Variants in DYNC2I2 observed in about 807,000 individuals in gnomAD.
DYNC2I2 encodes dynein 2 intermediate chain 2, also known as cytoplasmic dynein 2 intermediate chain 2.
DYNC2I2 carries 39 observed loss-of-function variants against 52.0 expected under a neutral mutation model. The ratio of observed to expected loss-of-function variants is 0.75; its 90% CI spans 0.58 to 0.98. The LOEUF (loss-of-function observed/expected upper bound fraction) is 0.98, where lower values mean the gene tolerates loss of function less well. Ranked by LOEUF, DYNC2I2 falls within the 50% of genes least tolerant of loss-of-function variation. DYNC2I2 has a pLI of 0.00. For missense variants in DYNC2I2, 743 were observed against 728.4 expected, an observed-to-expected ratio of 1.02 and a Z score of -0.23; for synonymous variants, 359 against 321.1, an observed-to-expected ratio of 1.12 and a Z score of -1.26.
chr9:128,638,220 C>CAAA (rs570370161), intron 2 of DYNC2I2, among the ~76,000 whole-genome samples: 72 of 95,932 alleles, frequency 7.5e-4, no homozygotes, highest in African/African-American at 2.5e-3. Flanking sequence ...GACCCTGTCT[C>CAAA]AAAAAAAAAA....
chr9:128,646,763 A>T (rs541346290), intron 1 of DYNC2I2, among the ~76,000 whole-genome samples: 1 of 152,238 alleles, frequency 6.6e-6, no homozygotes, highest in Non-Finnish European at 1.5e-5. Context: ...AAGGTGGATC[A>T]TTTGAGTCCA....
chr9:128,684,187 G>A, the DYNC2I2 span, among the ~76,000 whole-genome samples: 2 of 152,048 alleles, frequency 1.3e-5, no homozygotes, highest in African/African-American at 4.8e-5. Context: ...GGGAGAACGG[G>A]AGTGCACGGG....
At chr9:128,655,430 A>G (rs1269973815) in intron 1 of DYNC2I2, among the ~76,000 whole-genome samples, 1 of 142,930 alleles carries the variant, frequency 7.0e-6, no homozygotes, top group South Asian at 2.2e-4. Flanking sequence ...AGAATGGCAT[A>G]AACCCGGGAG....
At chr9:128,634,995 A>G in intron 6 of DYNC2I2, 74 bp from the exon 7 acceptor site, 1 of 1,588,500 alleles carries the variant, frequency 6.3e-7, no homozygotes, top group East Asian at 2.2e-5. Context: ...GCCAGAGAAC[A>G]GGAGGGGAGA....
At chr9:128,656,082 G>A (rs542178395) in intron 1 of DYNC2I2, among the ~76,000 whole-genome samples, 2 of 150,954 alleles carry the variant, frequency 1.3e-5, no homozygotes, top group Non-Finnish European at 1.5e-5. Flanking sequence ...GTGGTGGCCC[G>A]CGCCTGAGGT....
At chr9:128,659,942 C>T (rs1206172597), upstream of DYNC2I2, among the ~76,000 whole-genome samples, 1 of 151,038 alleles carries the variant, frequency 6.6e-6, no homozygotes, top group African/African-American at 2.4e-5. Flanking sequence ...TAGTGGCATG[C>T]ATCTATGGCC....
rs760359033 is a variant in DYNC2I2 at position 128,640,821 on chromosome 9, T to G, written c.305A>C (p.Gln102Pro). Residue 102 changes from glutamine to proline, a missense_variant, in exon 2 of 9, where the codon CAG becomes CCG. By Grantham distance (76) the Gln-to-Pro change is moderately conservative. Coordinates refer to ENST00000372715, the MANE Select transcript of DYNC2I2 (RefSeq NM_052844.4). Reference sequence around the variant, plus strand: ...GGCTGCGAGCCTGGGTATGTCATACTGGGACGGGGGCTGCACGCTGACAGG... The same window carrying G: ...GGCTGCGAGCCTGGGTATGTCATACGGGGACGGGGGCTGCACGCTGACAGG... The part of the protein sequence containing the change: ...PVPVSVQPPS[Q>P]YDIPRLAAFL... 4.3e-6 allele frequency: 7 copies of G among 1,614,016 alleles called. No individual in the cohort carries two copies. The highest frequency in any genetic ancestry group is 4.5e-5 in the East Asian group (2 of 44,902).
chr9:128,683,702 G>C, the DYNC2I2 span: 1 of 507,794 alleles, frequency 2.0e-6, no homozygotes, highest in South Asian at 2.8e-5. Flanking sequence ...AATTTCTCCT[G>C]ATTGGAGGGT....
At chr9:128,680,926 T>C in the DYNC2I2 span, among the ~76,000 whole-genome samples, 1 of 152,190 alleles carries the variant, frequency 6.6e-6, no homozygotes, top group Non-Finnish European at 1.5e-5. Flanking sequence ...TTTGCCCACC[T>C]TGGCCTCCCA....
At chr9:128,653,716 CA>C (rs1298758234) in intron 1 of DYNC2I2, among the ~76,000 whole-genome samples, 7 of 126,790 alleles carry the variant, frequency 5.5e-5, no homozygotes, top group East Asian at 2.3e-4. Context: ...ACTCTGTCTC[CA>C]AAAAAAAACC....
At chr9:128,636,806 C>G (rs1222154551) in intron 3 of DYNC2I2, 112 bp downstream of exon 3, 2 of 827,590 alleles carry the variant, frequency 2.4e-6, no homozygotes, top group Non-Finnish European at 3.8e-6. Flanking sequence ...GAAGAGACTC[C>G]CAGGATGGCC....
chr9:128,634,308 C>G lies in DYNC2I2; in HGVS notation c.1290G>C (p.Ser430=), dbSNP rs373865808. The G allele has an allele frequency of 3.1e-6, 5 of 1,613,424 alleles. No homozygotes were observed. Among genetic ancestry groups the G allele is most frequent in the Non-Finnish European group, 4.2e-6 (5 of 1,179,790 alleles). ...ACAGATACTTGAGGGAGAGCTGCAG[C>G]GAAGTCAAGGGAGGGGCCTGCAGCA... The part of the protein sequence containing the change: ...YSMLQAPPLT[S]LQLSLKYLFA... The change falls in exon 8 of 9, where the codon TCG becomes TCC. Residue 430 remains serine (S), a synonymous_variant. Coordinates refer to ENST00000372715, the MANE Select transcript of DYNC2I2 (RefSeq NM_052844.4).
chr9:128,678,573 T>TGCCTCAGC, the DYNC2I2 span, among the ~76,000 whole-genome samples: 2 of 144,506 alleles, frequency 1.4e-5, no homozygotes, highest in Non-Finnish European at 3.0e-5. Context: ...GCGATTCTCC[T>TGCCTCAGC]GCCTCAGCTT....
In DYNC2I2 at chr9:128,635,278, G is replaced by C; in HGVS notation, c.814-19C>G. The C allele has an allele frequency of 6.2e-7, 1 of 1,610,538 alleles. No homozygotes were observed. Among genetic ancestry groups the C allele is most frequent in the Non-Finnish European group, 8.5e-7 (1 of 1,178,408 alleles). ...ACACCACCTGAGTTAACAGCATGCA[G>C]GGCCAGGATGGAGACAAGGGACACC... On this transcript the variant is annotated intron_variant, in intron 5 of 8. Transcript: ENST00000372715.
chr9:128,645,450 T>TC (rs1564342797), intron 1 of DYNC2I2, among the ~76,000 whole-genome samples: 38 of 137,840 alleles, frequency 2.8e-4, no homozygotes, highest in Admixed American at 4.4e-4. Flanking sequence ...AAACTCTGTC[T>TC]CAAAAAAAAA....
chr9:128,633,773 C>T lies in DYNC2I2; in HGVS notation c.1582G>A (p.Asp528Asn). ...GCCGCCACCTCTGCTGCCAGGCAGT[C>T]CAGGTCCTCAGCTTCCCGGGGCCCT... ...EQGPREAEDL[D>N]CLAAEVAA is the part of the protein sequence containing the mutation. The change falls in exon 9 of 9, where the codon GAC becomes AAC. Residue 528 changes from aspartate (D) to asparagine (N), a missense_variant. Physicochemically the swap from Asp to Asn is conservative, Grantham distance 23. Transcript: ENST00000372715. 1 of 1,613,508 alleles carries T rather than the reference C, an allele frequency of 6.2e-7. No homozygotes were observed. Among genetic ancestry groups the T allele is most frequent in the Non-Finnish European group, 8.5e-7 (1 of 1,180,032 alleles).
At chr9:128,647,148 AAAC>A (rs1028322677) in intron 1 of DYNC2I2, among the ~76,000 whole-genome samples, 7 of 152,160 alleles carry the variant, frequency 4.6e-5, no homozygotes, top group Non-Finnish European at 8.8e-5. Flanking sequence ...CACAAACAAA[AAAC>A]AATAATATGG....
chr9:128,640,720 C>A lies in DYNC2I2; in HGVS notation c.406G>T (p.Glu136Ter). The A allele has an allele frequency of 6.2e-7, 1 of 1,614,176 alleles. No homozygotes were observed. Among genetic ancestry groups the A allele is most frequent in the Non-Finnish European group, 8.5e-7 (1 of 1,180,022 alleles). Reference protein sequence around the residue: ...NWQSHAFDGFEVNWTEQQQMV... With the variant: ...NWQSHAFDGF Reference sequence around the variant, plus strand: ...TGCTGCTGCTCGGTCCAGTTCACCTCGAAGCCATCAAACGCGTGGCTCTGC... The same window carrying A: ...TGCTGCTGCTCGGTCCAGTTCACCTAGAAGCCATCAAACGCGTGGCTCTGC... Residue 136 changes from glutamate to a stop codon, truncating the protein, a stop_gained, in exon 2 of 9, where the codon GAG becomes TAG. Coordinates refer to ENST00000372715, the MANE Select transcript of DYNC2I2 (RefSeq NM_052844.4). LOFTEE classifies it high-confidence loss of function.
At chr9:128,666,173 C>A in the DYNC2I2 span, among the ~76,000 whole-genome samples, 1 of 151,788 alleles carries the variant, frequency 6.6e-6, no homozygotes, top group South Asian at 2.1e-4. Context: ...GTCAGCAGTT[C>A]GAGACCTGCC....
Sources: allele counts gnomAD v4.1 joint callset (sites outside exome capture counted in the v4.1 genomes callset), GRCh38; gene constraint gnomAD v4.1.1; transcripts MANE v1.5; gene names NCBI Gene and HGNC (gene_info 2026-07-23, HGNC 2026-07-21).